Variants in COL23A1 observed in about 807,000 individuals in gnomAD.
COL23A1 encodes the protein collagen alpha-1(XXIII) chain.
Under a neutral mutation model 99.3 loss-of-function variants are expected in COL23A1, and 97 were observed. The ratio of observed to expected loss-of-function variants is 0.98; its 90% CI spans 0.83 to 1.16. COL23A1 has a LOEUF of 1.16. COL23A1 is among the 50% of genes most tolerant of loss of function. The pLI, the probability that COL23A1 is intolerant of heterozygous loss-of-function variation, is 0.00. For synonymous variants in COL23A1, 320 were observed against 308.2 expected, an observed-to-expected ratio of 1.04 and a Z score of -0.40; for missense variants, 762 against 757.4, an observed-to-expected ratio of 1.01 and a Z score of -0.07.
intron 2 of COL23A1, among the ~76,000 whole-genome samples, chr5:178,508,011 ATTT>A (rs887647001): frequency 4.1e-5 from 4 of 97,538 alleles, no homozygotes; most frequent in Non-Finnish European, 9.2e-5. Flanking sequence ...CTCTCTTTTT[ATTT>A]TTTCTTCTTC....
intron 2 of COL23A1, among the ~76,000 whole-genome samples, chr5:178,442,703 G>A (rs905707589): frequency 2.0e-5 from 3 of 152,224 alleles, no homozygotes; most frequent in African/African-American, 7.2e-5. Flanking sequence ...CCAGGCTAGA[G>A]AAGAATCGGA....
chr5:178,331,553 G>A (rs923617286), intron 2 of COL23A1, among the ~76,000 whole-genome samples: 6 of 152,350 alleles, frequency 3.9e-5, no homozygotes, highest in African/African-American at 1.4e-4. Context: ...CAAGGAATCC[G>A]CGGCCCTCGG....
chr5:178,443,622 A>G (rs1382637914), intron 2 of COL23A1, among the ~76,000 whole-genome samples: 14 of 124,748 alleles, frequency 1.1e-4, no homozygotes, highest in African/African-American at 5.8e-4. Context: ...CACCATGCCC[A>G]GCTATTTTTT....
chr5:178,394,177 G>C (rs1764109695), intron 2 of COL23A1, among the ~76,000 whole-genome samples: 1 of 152,216 alleles, frequency 6.6e-6, no homozygotes, highest in South Asian at 2.1e-4. Flanking sequence ...AGCACAGGCA[G>C]AGCATACAGT....
intron 17 of COL23A1, among the ~76,000 whole-genome samples, chr5:178,250,964 G>A (rs1764998079): frequency 8.9e-6 from 1 of 112,792 alleles, no homozygotes; most frequent in Non-Finnish European, 1.7e-5. Flanking sequence ...GGGCAAAAGA[G>A]CAAGACTCCG....
chr5:178,547,266 G>T (rs1761635541), intron 2 of COL23A1, among the ~76,000 whole-genome samples: 1 of 152,020 alleles, frequency 6.6e-6, no homozygotes, highest in Non-Finnish European at 1.5e-5. Flanking sequence ...GGCACACTCG[G>T]AACTCAGCAG....
intron 2 of COL23A1, among the ~76,000 whole-genome samples, chr5:178,538,554 C>T (rs1213553445): frequency 6.6e-6 from 1 of 152,224 alleles, no homozygotes; most frequent in Non-Finnish European, 1.5e-5. Flanking sequence ...GGCTGGCATC[C>T]ATTTGCAAAC....
chr5:178,389,515 C>G (rs1763851895), intron 2 of COL23A1, among the ~76,000 whole-genome samples: 2 of 152,364 alleles, frequency 1.3e-5, no homozygotes, highest in South Asian at 4.1e-4. Context: ...CACTGGGGAG[C>G]TGCACATTCT....
intron 2 of COL23A1, among the ~76,000 whole-genome samples, chr5:178,393,280 AAAG>A (rs201202216): frequency 0.011 from 1,667 of 152,316 alleles, 17 homozygotes; most frequent in South Asian, 0.05. Flanking sequence ...AAGAAGCCAC[AAAG>A]AAGAAGTCAC....
intron 2 of COL23A1, among the ~76,000 whole-genome samples, chr5:178,347,188 C>T (rs1331163824): frequency 2.0e-5 from 3 of 152,170 alleles, no homozygotes; most frequent in South Asian, 4.1e-4. Context: ...GCCACCCACA[C>T]GGAAACTGAA....
intron 2 of COL23A1, among the ~76,000 whole-genome samples, chr5:178,373,262 C>T (rs545253099): frequency 6.6e-6 from 1 of 152,310 alleles, no homozygotes; most frequent in African/African-American, 2.4e-5. Flanking sequence ...ATAAAATGGG[C>T]ACAGCAGCAG....
chr5:178,433,183 C>T (rs952175713), intron 2 of COL23A1, among the ~76,000 whole-genome samples: 4 of 152,066 alleles, frequency 2.6e-5, no homozygotes, highest in South Asian at 2.1e-4. Context: ...CTGCTCCCAC[C>T]GCAGAACCCA....
intron 2 of COL23A1, among the ~76,000 whole-genome samples, chr5:178,495,196 C>T (rs906713339): frequency 6.6e-6 from 1 of 152,222 alleles, no homozygotes; most frequent in African/African-American, 2.4e-5. Flanking sequence ...CCCTGCACCC[C>T]GCCCATCAGC....
At chr5:178,290,195 G>A (rs906095632) in intron 4 of COL23A1, among the ~76,000 whole-genome samples, 167 bp downstream of exon 4, 2 of 152,192 alleles carry the variant, frequency 1.3e-5, no homozygotes, top group African/African-American at 4.8e-5. Flanking sequence ...GCCTCCCAAA[G>A]TGCTGGGATT....
At chr5:178,436,269 A>G (rs6601237) in intron 2 of COL23A1, among the ~76,000 whole-genome samples, 43,694 of 152,090 alleles carry the variant, frequency 0.29, 12,730 homozygotes, top group African/African-American at 0.75. Context: ...GTTTAGTGCT[A>G]TGGACAGTGT....
At chr5:178,358,296 GTA>G (rs1761904411) in intron 2 of COL23A1, among the ~76,000 whole-genome samples, 4 of 133,054 alleles carry the variant, frequency 3.0e-5, no homozygotes, top group Non-Finnish European at 4.8e-5. Flanking sequence ...GTGCGTATAT[GTA>G]TGTATGTATG....
At chr5:178,479,183 G>A (rs1757194824) in intron 2 of COL23A1, among the ~76,000 whole-genome samples, 1 of 152,124 alleles carries the variant, frequency 6.6e-6, no homozygotes, top group Admixed American at 6.5e-5. Flanking sequence ...GGCGCTTTAT[G>A]TGCAGGATTT....
At chr5:178,425,238 C>T (rs1765848292) in intron 2 of COL23A1, among the ~76,000 whole-genome samples, 1 of 152,050 alleles carries the variant, frequency 6.6e-6, no homozygotes, top group South Asian at 2.1e-4. Context: ...GCCTGACCAA[C>T]ATGGGGAAAC....
chr5:178,347,555 A>G lies in COL23A1; in HGVS notation c.362-40636T>C, dbSNP rs1761045868. Among the ~76,000 whole-genome samples the G allele has an allele frequency of 2.0e-5, 3 of 152,084 alleles. No individual in the cohort carries two copies. The South Asian group carries it at 6.2e-4, about 32-fold the overall frequency. On this transcript the variant is annotated intron_variant, in intron 2 of 28. Coordinates refer to ENST00000390654, the MANE Select transcript of COL23A1 (RefSeq NM_173465.4). Reference sequence around the variant, plus strand: ...AAAACCACCGAGTCATACACTTTAAATGGTGAATTTTATGTTGTGTTATAT... The same window carrying G: ...AAAACCACCGAGTCATACACTTTAAGTGGTGAATTTTATGTTGTGTTATAT...
Sources: allele counts gnomAD v4.1 joint callset (sites outside exome capture counted in the v4.1 genomes callset), GRCh38; gene constraint gnomAD v4.1.1; transcripts MANE v1.5; gene names NCBI Gene and HGNC (gene_info 2026-07-23, HGNC 2026-07-21).